SLCO6A1: variants seen among roughly 807,000 people sequenced by gnomAD.
SLCO6A1 encodes cancer/testis antigen 48.
Under a neutral mutation model 72.7 loss-of-function variants are expected in SLCO6A1, and 65 were observed. That is an observed-to-expected ratio of 0.89 (90% confidence interval 0.73 to 1.10). SLCO6A1 has a LOEUF of 1.10. Among genes scored for constraint, SLCO6A1 ranks in the 50% least tolerant of loss-of-function variants. SLCO6A1 has a pLI of 0.00. For synonymous variants in SLCO6A1, 314 were observed against 298.2 expected (o/e 1.05, Z -0.55); for missense variants, 874 against 872.6 (o/e 1.00, Z -0.02).
intron 1 of SLCO6A1, among the ~76,000 whole-genome samples, chr5:102,491,081 C>A (rs1036190329): frequency 1.2e-4 from 19 of 152,090 alleles, no homozygotes; most frequent in Admixed American, 1.2e-3. Flanking sequence ...TTCTCCATGT[C>A]CCCACTAGAT....
In SLCO6A1 at chr5:102,411,214, A is replaced by AAC. The variant is rs1554067806; in HGVS notation, c.1626+1775_1626+1776insGT. ...TAAAACAATAAAGTTGGGATGATGT[A>AAC]ATATATATATATGTGTGTGTGTGTT... On this transcript the variant is annotated intron_variant, in intron 9 of 13. Coordinates refer to ENST00000506729, the MANE Select transcript of SLCO6A1 (RefSeq NM_173488.5). 4.0e-5 allele frequency among the ~76,000 whole-genome samples: 6 copies of AAC among 151,592 alleles called. No individual in the cohort carries two copies. The East Asian group carries it at 9.7e-4, about 24-fold the overall frequency.
Position 102,480,178 on chromosome 5 carries a change from T to C in SLCO6A1, c.615A>G (p.Glu205=). 3 of 1,604,814 alleles carry C rather than the reference T, an allele frequency of 1.9e-6. No individual in the cohort carries two copies. Among genetic ancestry groups the C allele is most frequent in the Non-Finnish European group, 2.6e-6 (3 of 1,175,456 alleles). The part of the protein sequence containing the change: ...EENKQSKVGI[E]DICEEIKVVS... ...TGACAGTATATTTTAAAACCTTACC[T>C]TCAATTCCTACCTTACTTTGTTTAT... The change falls in exon 2 of 14, where the codon GAA becomes GAG. Residue 205 remains glutamate, a splice_region_variant and synonymous_variant. Transcript: ENST00000506729.
intron 6 of SLCO6A1, among the ~76,000 whole-genome samples, chr5:102,451,664 C>T (rs956092327): frequency 6.6e-6 from 1 of 152,172 alleles, no homozygotes; most frequent in African/African-American, 2.4e-5. Context: ...TGCTGTTTCC[C>T]CTCCGTGGGG....
At chr5:102,412,262 A>G (rs1748028219) in intron 9 of SLCO6A1, among the ~76,000 whole-genome samples, 1 of 152,002 alleles carries the variant, frequency 6.6e-6, no homozygotes, top group Non-Finnish European at 1.5e-5. Flanking sequence ...TAAAATGTAT[A>G]ATACAAAGCT....
chr5:102,472,788 C>A (rs953166402), intron 4 of SLCO6A1, among the ~76,000 whole-genome samples: 1 of 151,786 alleles, frequency 6.6e-6, no homozygotes, highest in Non-Finnish European at 1.5e-5. Context: ...CAGAAATGAG[C>A]GGAAGACTTT....
intron 8 of SLCO6A1, among the ~76,000 whole-genome samples, chr5:102,414,923 A>AT: frequency 7.8e-6 from 1 of 127,870 alleles, no homozygotes; most frequent in African/African-American, 2.5e-5. Flanking sequence ...AAATAAATAA[A>AT]TAAATAAATA....
chr5:102,454,547 T>C (rs973831470), intron 6 of SLCO6A1, among the ~76,000 whole-genome samples: 3 of 152,182 alleles, frequency 2.0e-5, no homozygotes, highest in African/African-American at 2.4e-5. Flanking sequence ...TCTACTCAGA[T>C]AGATGTTAGT....
chr5:102,490,365 A>G (rs572795995), intron 1 of SLCO6A1, among the ~76,000 whole-genome samples: 2 of 152,352 alleles, frequency 1.3e-5, no homozygotes, highest in South Asian at 4.1e-4. Context: ...TCCCATATGT[A>G]TGTACAATTA....
intron 1 of SLCO6A1, among the ~76,000 whole-genome samples, chr5:102,495,125 A>C (rs903343469): frequency 1.8e-4 from 27 of 152,360 alleles, no homozygotes; most frequent in African/African-American, 6.0e-4. Flanking sequence ...AGCTATTAAA[A>C]GAAGCCAGAA....
At chr5:102,381,109 C>A (rs1746081807) in intron 12 of SLCO6A1, among the ~76,000 whole-genome samples, 1 of 151,546 alleles carries the variant, frequency 6.6e-6, no homozygotes, top group African/African-American at 2.4e-5. Flanking sequence ...AGTTCTATTC[C>A]CTTGGCAATT....
chr5:102,412,010 C>T (rs955343203), intron 9 of SLCO6A1, among the ~76,000 whole-genome samples: 1 of 152,092 alleles, frequency 6.6e-6, no homozygotes, highest in African/African-American at 2.4e-5. Flanking sequence ...TTCAAAAGAA[C>T]CTTGGTCTCC....
chr5:102,495,644 A>T (rs1752877148), intron 1 of SLCO6A1, among the ~76,000 whole-genome samples: 1 of 152,092 alleles, frequency 6.6e-6, no homozygotes, highest in Admixed American at 6.5e-5. Context: ...AAAAAATAAA[A>T]TTGATTGCAC....
chr5:102,412,941 T>C (rs1361082830), intron 9 of SLCO6A1, 49 bp downstream of exon 9: 2 of 825,650 alleles, frequency 2.4e-6, no homozygotes, highest in Non-Finnish European at 1.7e-6. Flanking sequence ...TATAATATAA[T>C]GAAAATATAA....
intron 3 of SLCO6A1, 124 bp from the exon 4 acceptor site, chr5:102,475,917 C>G: frequency 1.9e-6 from 1 of 537,134 alleles, no homozygotes; most frequent in Non-Finnish European, 3.2e-6. Context: ...AGTCAGAGCT[C>G]TCCAGAGAAA....
At chr5:102,403,584 C>T (rs1269764999) in intron 9 of SLCO6A1, among the ~76,000 whole-genome samples, 1 of 151,876 alleles carries the variant, frequency 6.6e-6, no homozygotes, top group Non-Finnish European at 1.5e-5. Context: ...TATAATGATG[C>T]ATAAAAACAG....
In SLCO6A1 at chr5:102,468,073, C is replaced by T. The variant is rs142829726; in HGVS notation, c.899+7624G>A. Among the ~76,000 whole-genome samples the T allele has an allele frequency of 2.1e-3, 316 of 152,150 alleles. 3 individuals are homozygous for T. The highest frequency in any genetic ancestry group is 7.2e-3 in the African/African-American group (300 of 41,548). On this transcript the variant is annotated intron_variant, in intron 4 of 13. Coordinates refer to ENST00000506729, the MANE Select transcript of SLCO6A1 (RefSeq NM_173488.5). ...TTCAAAGAAATGCTTAATTTCCATA[C>T]TGATTTCATTATTGATCCAATAATA... is the stretch of plus-strand genomic sequence containing the variant.
intron 10 of SLCO6A1, among the ~76,000 whole-genome samples, chr5:102,398,336 C>T (rs1354872739): frequency 6.6e-6 from 1 of 152,068 alleles, no homozygotes; most frequent in East Asian, 1.9e-4. Flanking sequence ...CTTCACCACA[C>T]CTGGCTAATT....
At chr5:102,451,942 A>G (rs1157513459) in intron 6 of SLCO6A1, among the ~76,000 whole-genome samples, 5 of 152,230 alleles carry the variant, frequency 3.3e-5, no homozygotes, top group Non-Finnish European at 5.9e-5. Flanking sequence ...TCTTCTTTCT[A>G]TGATAGCCAT....
chr5:102,433,082 G>T (rs946279121), intron 7 of SLCO6A1, among the ~76,000 whole-genome samples: 1 of 152,062 alleles, frequency 6.6e-6, no homozygotes, highest in Non-Finnish European at 1.5e-5. Flanking sequence ...ACTTGTGATT[G>T]CATTATGAAA....
Sources: gnomAD v4.1 joint callset for allele counts (sites outside exome capture counted in the v4.1 genomes callset) on GRCh38, gnomAD v4.1.1 for gene constraint, MANE v1.5 for transcripts, NCBI Gene and HGNC (gene_info 2026-07-23, HGNC 2026-07-21) for gene names.